The following NEDD4 variants were observed in gnomAD, a reference collection of about 807,000 sequenced individuals.
The protein encoded by NEDD4 is NEDD4 E3 ubiquitin protein ligase, also known as E3 ubiquitin-protein ligase NEDD4.
In NEDD4, 99 loss-of-function variants were observed where a neutral mutation model predicts 144.9. The observed-to-expected ratio is 0.68, with a 90% confidence interval of 0.58 to 0.81. The LOEUF (loss-of-function observed/expected upper bound fraction) is 0.81. Ranked by LOEUF, NEDD4 falls within the 30% of genes least tolerant of loss-of-function variation. The pLI is 0.00. For synonymous variants in NEDD4, 318 were observed against 350.6 expected, an observed-to-expected ratio of 0.91 and a Z score of 1.04; for missense variants, 985 against 1,065.9, an observed-to-expected ratio of 0.92 and a Z score of 1.06.
At chr15:55,909,413 C>A (rs191086327) in intron 5 of NEDD4, among the ~76,000 whole-genome samples, 1 of 152,324 alleles carries the variant, frequency 6.6e-6, no homozygotes, top group Admixed American at 6.5e-5. Flanking sequence ...TTTGAAATTA[C>A]TGTATCTCTA....
At chr15:55,850,237 G>A (rs1271028885) in intron 14 of NEDD4, among the ~76,000 whole-genome samples, 1 of 152,098 alleles carries the variant, frequency 6.6e-6, no homozygotes, top group Non-Finnish European at 1.5e-5. Flanking sequence ...GTGCTTTGGA[G>A]CTATAAAGCC....
At chr15:55,925,378 C>T (rs1474606231) in intron 4 of NEDD4, among the ~76,000 whole-genome samples, 3 of 152,260 alleles carry the variant, frequency 2.0e-5, no homozygotes, top group South Asian at 4.1e-4. Context: ...CAGTTTAGAG[C>T]CACCCAAAGT....
At chr15:55,924,721 T>A (rs778405220) in intron 4 of NEDD4, 22 bp from the exon 5 acceptor site, 4 of 1,597,476 alleles carry the variant, frequency 2.5e-6, no homozygotes, top group Non-Finnish European at 3.4e-6. Context: ...ACAATCTTTA[T>A]TTAAAAACAA....
intron 5 of NEDD4, among the ~76,000 whole-genome samples, chr15:55,883,916 G>A (rs1455988370): frequency 1.4e-5 from 2 of 143,624 alleles, no homozygotes; most frequent in Non-Finnish European, 3.0e-5. Flanking sequence ...GTCTCACCCT[G>A]TTGCCCAGGC....
chr15:55,883,734 G>T (rs1298216259), intron 5 of NEDD4, among the ~76,000 whole-genome samples: 2 of 151,346 alleles, frequency 1.3e-5, no homozygotes, highest in African/African-American at 4.9e-5. Flanking sequence ...CACAGAAAGA[G>T]AAAGAGAGAG....
At chr15:55,859,369 A>G (rs996440911) in intron 11 of NEDD4, among the ~76,000 whole-genome samples, 1 of 152,182 alleles carries the variant, frequency 6.6e-6, no homozygotes, top group Non-Finnish European at 1.5e-5. Context: ...TCTTATTCAT[A>G]TATACCTGTT....
rs573724207 is a variant in NEDD4 at position 55,872,375 on chromosome 15, A to G, written c.404+40T>C. On this transcript the variant is annotated intron_variant, in intron 7 of 28. Coordinates refer to ENST00000435532, the MANE Select transcript of NEDD4 (RefSeq NM_006154.4). ...CTACTGTAAGGTGTAATGAAGAGAT[A>G]AAAAATTTAATATGCTATTATTATT... is the stretch of plus-strand genomic sequence containing the variant. 3.8e-6 allele frequency: 4 copies of G among 1,039,958 alleles called. No homozygotes were observed. In the African/African-American group the frequency reaches 5.0e-5, roughly 13 times the overall value. 64.4% of individuals were successfully genotyped at this position (1,039,958 alleles called of 1,614,324 possible). A position where few individuals can be genotyped will look rare whatever the true frequency, so the allele number is the denominator to read the frequency against.
At chr15:55,916,564 A>C (rs2142213395) in intron 5 of NEDD4, 1 of 1,614,088 alleles carries the variant, frequency 6.2e-7, no homozygotes, top group East Asian at 2.2e-5. Flanking sequence ...GGCTGTAGTG[A>C]AATCTGTAGA....
chr15:55,916,272 C>T lies in NEDD4; in HGVS notation c.291+8374G>A, dbSNP rs1412566860. On this transcript the variant is annotated intron_variant, in intron 5 of 28. Transcript: ENST00000435532. ...TGGAAAAGTATAACTACTACTGTCA[C>T]TGATGACACTGTTAGTATATGAACC... 6.8e-6 allele frequency: 11 copies of T among 1,613,906 alleles called. No individual in the cohort carries two copies. Among genetic ancestry groups the T allele is most frequent in the Middle Eastern group, 1.6e-4 (1 of 6,084 alleles).
chr15:55,947,624 C>T (rs913688967), intron 4 of NEDD4, among the ~76,000 whole-genome samples: 1 of 152,114 alleles, frequency 6.6e-6, no homozygotes, highest in South Asian at 2.1e-4. Context: ...GGGCTTCATC[C>T]CTGGGATGCA....
intron 5 of NEDD4, among the ~76,000 whole-genome samples, chr15:55,892,320 ATAAT>A (rs1289692279): frequency 6.8e-6 from 1 of 146,126 alleles, no homozygotes; most frequent in African/African-American, 2.5e-5. Context: ...AAATAAATAA[ATAAT>A]AAATATGAAT....
intron 15 of NEDD4, 58 bp from the exon 16 acceptor site, chr15:55,848,633 A>G: frequency 6.9e-7 from 1 of 1,459,196 alleles, no homozygotes; most frequent in South Asian, 1.1e-5. Flanking sequence ...GAATGGATAG[A>G]AAAATAGCAC....
At chr15:55,846,540 C>T (rs2033753354) in intron 18 of NEDD4, among the ~76,000 whole-genome samples, 1 of 152,120 alleles carries the variant, frequency 6.6e-6, no homozygotes, top group South Asian at 2.1e-4. Flanking sequence ...AGAGACATTA[C>T]ATTTGAAGCC....
chr15:55,927,406 T>C (rs2036696260), intron 4 of NEDD4, among the ~76,000 whole-genome samples: 1 of 151,770 alleles, frequency 6.6e-6, no homozygotes, highest in South Asian at 2.1e-4. Flanking sequence ...GCTCAAGCAA[T>C]CCTCCCACCT....
chr15:55,843,053 C>T (rs995931561), intron 18 of NEDD4, among the ~76,000 whole-genome samples: 12 of 152,298 alleles, frequency 7.9e-5, no homozygotes, highest in African/African-American at 2.2e-4. Context: ...ATGGGTCTCA[C>T]GACATCTAAT....
In NEDD4 at chr15:55,849,034, C is replaced by T. The variant is rs139010560; in HGVS notation, c.1348-148G>A. On this transcript the variant is annotated intron_variant, in intron 14 of 28. Coordinates refer to ENST00000435532, the MANE Select transcript of NEDD4 (RefSeq NM_006154.4). The stretch of plus-strand genomic sequence containing the variant: ...TACTTTATTTCCTAAATATGTGACA[C>T]AATATTTTCTCCTTCTAAAATCTAT... 6.0e-4 allele frequency: 395 copies of T among 654,600 alleles called. 2 individuals carry two copies. The highest frequency in any genetic ancestry group is 5.2e-4 in the South Asian group (27 of 52,384). 40.5% of individuals were successfully genotyped at this position (654,600 alleles called of 1,614,324 possible). A position where few individuals can be genotyped will look rare whatever the true frequency, so the allele number is the denominator to read the frequency against.
chr15:55,860,523 A>T lies in NEDD4; in HGVS notation c.844T>A (p.Phe282Ile). ...TTACTTGACGGTGGAGGTGATGGGA[A>T]GGCCTGGTTGCTATACATGGTGGCT... ...DEATMYSNQA[F>I]PSPPPSSNLD... Residue 282 changes from phenylalanine to isoleucine, a missense_variant, in exon 11 of 29, where the codon TTC becomes ATC. Coordinates refer to ENST00000435532, the MANE Select transcript of NEDD4 (RefSeq NM_006154.4). The T allele has an allele frequency of 6.2e-7, 1 of 1,614,146 alleles. No homozygotes were observed. Among genetic ancestry groups the T allele is most frequent in the South Asian group, 1.1e-5 (1 of 91,084 alleles).
At chr15:55,896,704 C>G (rs1244569610) in intron 5 of NEDD4, among the ~76,000 whole-genome samples, 9 of 152,038 alleles carry the variant, frequency 5.9e-5, no homozygotes, top group African/African-American at 2.2e-4. Context: ...CATGGAGCCT[C>G]CAGTCATGCA....
At chr15:55,954,611 G>A (rs530881776) in intron 2 of NEDD4, among the ~76,000 whole-genome samples, 45 of 151,466 alleles carry the variant, frequency 3.0e-4, no homozygotes, top group African/African-American at 1.0e-3. Flanking sequence ...CGCAACCTCC[G>A]CCTCCCAGGT....
Sources: gnomAD v4.1 joint callset for allele counts (sites outside exome capture counted in the v4.1 genomes callset) on GRCh38, gnomAD v4.1.1 for gene constraint, MANE v1.5 for transcripts, NCBI Gene and HGNC (gene_info 2026-07-23, HGNC 2026-07-21) for gene names.